The following INSR variants were observed in gnomAD, a reference collection of about 807,000 sequenced individuals.
The protein encoded by INSR is insulin receptor, also known as IR.
Under a neutral mutation model 142.6 loss-of-function variants are expected in INSR, and 67 were observed. That is an observed-to-expected ratio of 0.47 (90% CI 0.39 to 0.58). The LOEUF (loss-of-function observed/expected upper bound fraction) is 0.58, where lower values mean the gene tolerates loss of function less well. INSR is among the 20% of genes least tolerant of loss of function. The pLI, the probability that INSR is intolerant of heterozygous loss-of-function variation, is 0.00. For synonymous variants in INSR, 756 were observed against 743.1 expected (o/e 1.02, Z -0.28); for missense variants, 1,248 against 1,833.2 (o/e 0.68, Z 5.83).
intron 1 of INSR, among the ~76,000 whole-genome samples, chr19:7,290,868 G>A (rs1394768011): frequency 6.6e-6 from 1 of 151,518 alleles, no homozygotes; most frequent in Non-Finnish European, 1.5e-5. Context: ...TCAGGAGGTC[G>A]AGACCATCCT....
chr19:7,204,754 T>C (rs1237772070), intron 2 of INSR, among the ~76,000 whole-genome samples: 1 of 152,172 alleles, frequency 6.6e-6, no homozygotes, highest in Non-Finnish European at 1.5e-5. Context: ...AATGCTCCCC[T>C]ATCAGGCTGG....
chr19:7,183,851 G>C (rs1974338746), intron 3 of INSR, among the ~76,000 whole-genome samples: 1 of 151,978 alleles, frequency 6.6e-6, no homozygotes, highest in African/African-American at 2.4e-5. Flanking sequence ...CTGAGGTTGG[G>C]AGTTCGAGAC....
intron 2 of INSR, among the ~76,000 whole-genome samples, chr19:7,206,705 A>G (rs1323838523): frequency 6.6e-6 from 1 of 152,134 alleles, no homozygotes; most frequent in African/African-American, 2.4e-5. Context: ...GTGAACAGAG[A>G]TTGCACCAGT....
intron 3 of INSR, among the ~76,000 whole-genome samples, chr19:7,180,175 G>T: frequency 6.6e-6 from 1 of 152,264 alleles, no homozygotes; most frequent in Middle Eastern, 3.4e-3. Context: ...GTTTTGTTAC[G>T]CAACAAGAGC....
chr19:7,158,231 T>C (rs1322891228), intron 9 of INSR, among the ~76,000 whole-genome samples: 1 of 151,964 alleles, frequency 6.6e-6, no homozygotes, highest in Non-Finnish European at 1.5e-5. Context: ...CCAGGCGCGG[T>C]GACTCACGCC....
intron 2 of INSR, among the ~76,000 whole-genome samples, chr19:7,266,933 C>T (rs6510976): frequency 0.53 from 81,232 of 151,934 alleles, 22,282 homozygotes; most frequent in African/African-American, 0.62. Context: ...ACCGAATCTA[C>T]AGTTTTCCAC....
intron 11 of INSR, among the ~76,000 whole-genome samples, chr19:7,147,939 A>G (rs1413459123): frequency 6.6e-6 from 1 of 151,958 alleles, no homozygotes; most frequent in Non-Finnish European, 1.5e-5. Context: ...TTTGAGACAG[A>G]GTCTTGCTCT....
At chr19:7,229,586 CACAT>C (rs1487594664) in intron 2 of INSR, among the ~76,000 whole-genome samples, 1 of 152,088 alleles carries the variant, frequency 6.6e-6, no homozygotes, top group African/African-American at 2.4e-5. Flanking sequence ...TTATGGACTT[CACAT>C]ACAATCAACC....
chr19:7,236,810 A>C (rs562528059), intron 2 of INSR, among the ~76,000 whole-genome samples: 2 of 152,210 alleles, frequency 1.3e-5, no homozygotes, highest in South Asian at 4.1e-4. Flanking sequence ...GCGGATCATG[A>C]GGTCAGGAGA....
At chr19:7,184,281 C>A in intron 3 of INSR, 35 bp downstream of exon 3, 1 of 1,597,392 alleles carries the variant, frequency 6.3e-7, no homozygotes, top group South Asian at 1.1e-5. Context: ...TCCTTCTCCT[C>A]TCGGCTGCCC....
At chr19:7,282,007 A>G (rs1003031713) in intron 1 of INSR, among the ~76,000 whole-genome samples, 4 of 152,212 alleles carry the variant, frequency 2.6e-5, no homozygotes, top group East Asian at 3.8e-4. Context: ...GCTTAGAGCC[A>G]GTCTGTACGT....
intron 1 of INSR, among the ~76,000 whole-genome samples, chr19:7,279,215 T>G (rs913892340): frequency 6.6e-6 from 1 of 151,788 alleles, no homozygotes; most frequent in African/African-American, 2.4e-5. Flanking sequence ...ATCCCAGCCC[T>G]TGGGGAGGCT....
Position 7,119,725 on chromosome 19 carries a change from C to T in INSR, c.3660-142G>A, listed in dbSNP as rs1353693834. ...ATACATGCAAACACACACATGCAAA[C>T]ACACACGCACATACACGTGCACACA... On this transcript the variant is annotated intron_variant, in intron 20 of 21. Transcript: ENST00000302850. The surrounding 1 kb of genome is among the most constrained non-coding windows in gnomAD (Gnocchi z 5.2). 9 of 907,816 alleles carry T rather than the reference C, an allele frequency of 9.9e-6. No homozygotes were observed. The highest frequency in any genetic ancestry group is 1.6e-5 in the Non-Finnish European group (9 of 568,792). 56.2% of individuals were successfully genotyped at this position (907,816 alleles called of 1,614,324 possible).
chr19:7,261,619 C>T (rs1363586245), intron 2 of INSR, among the ~76,000 whole-genome samples: 2 of 152,174 alleles, frequency 1.3e-5, no homozygotes, highest in African/African-American at 4.8e-5. Flanking sequence ...CAACCTCTGC[C>T]TCTCGGGTTC....
rs1218566297 is a variant in INSR at position 7,151,162 on chromosome 19, C to CTCTTTCTTTCTTTCTTTCTT, written c.2232-650_2232-631dup. On this transcript the variant is annotated intron_variant, in intron 10 of 21. Transcript: ENST00000302850. Reference sequence around the variant, plus strand: ...CTTTCTCTCTTTCCTTTCTTTCTTTCTCTTTCTTTCTTTCTTTCTTTCTTT... The same window carrying CTCTTTCTTTCTTTCTTTCTT: ...CTTTCTCTCTTTCCTTTCTTTCTTTCTCTTTCTTTCTTTCTTTCTTTCTTTCTTTCTTTCTTTCTTTCTTT... 4.1e-4 allele frequency among the ~76,000 whole-genome samples: 19 copies of CTCTTTCTTTCTTTCTTTCTT among 45,884 alleles called. 1 individual carries two copies. In the South Asian group the frequency reaches 7.1e-3, roughly 17 times the overall value. 30.1% of individuals were successfully genotyped at this position (45,884 alleles called of 152,430 possible).
chr19:7,152,893 T>G lies in INSR; in HGVS notation c.2064A>C (p.Pro688=). The change falls in exon 10 of 22, where the codon CCA becomes CCC. Residue 688 remains proline (P), a synonymous_variant. Transcript: ENST00000302850. ...GCTTCTGAGAATCTTCAGACTCGAA[T>G]GGTGGAGACCAGGTCCTCGAGGGCA... ...LKLPSRTWSP[P]FESEDSQKHN... is the part of the protein sequence containing the mutation. 1 of 1,612,548 alleles carries G rather than the reference T, an allele frequency of 6.2e-7. No homozygotes were observed. Among genetic ancestry groups the G allele is most frequent in the Non-Finnish European group, 8.5e-7 (1 of 1,179,850 alleles).
intron 11 of INSR, among the ~76,000 whole-genome samples, chr19:7,147,454 T>C (rs1043242652): frequency 5.9e-5 from 9 of 152,024 alleles, no homozygotes; most frequent in Non-Finnish European, 1.3e-4. Context: ...CGATTACAGG[T>C]GTGAGTCACT....
chr19:7,164,826 C>CAAAAAA (rs35639305), intron 8 of INSR, among the ~76,000 whole-genome samples: 1 of 46,022 alleles, frequency 2.2e-5, no homozygotes, highest in Admixed American at 3.2e-4. Context: ...AACTCCATCT[C>CAAAAAA]AAAAAAAAAA....
intron 10 of INSR, chr19:7,152,477 A>C: frequency 1.8e-6 from 1 of 553,164 alleles, no homozygotes; most frequent in Non-Finnish European, 3.3e-6. Context: ...AGGAGAGGTA[A>C]GAAAGGCAAA....
Sources: gnomAD v4.1 joint callset for allele counts (sites outside exome capture counted in the v4.1 genomes callset) on GRCh38, gnomAD v4.1.1 for gene constraint, Gnocchi (gnomAD v3.1) non-coding constraint, MANE v1.5 for transcripts, NCBI Gene and HGNC (gene_info 2026-07-23, HGNC 2026-07-21) for gene names.